The following NTHL1 variants were observed in gnomAD, a reference collection of about 807,000 sequenced individuals.
The protein encoded by NTHL1 is endonuclease III-like protein 1.
In NTHL1, 32 loss-of-function variants were observed where a neutral mutation model predicts 32.3. That is an observed-to-expected ratio of 0.99 (90% CI 0.75 to 1.33). The LOEUF is 1.33. Ranked by LOEUF, NTHL1 falls within the 40% of genes most tolerant of loss-of-function variation. NTHL1 has a pLI of 0.00. For synonymous variants in NTHL1, 188 were observed against 176.9 expected, an observed-to-expected ratio of 1.06 and a Z score of -0.50; for missense variants, 501 against 414.1, an observed-to-expected ratio of 1.21 and a Z score of -1.82.
At chr16:2,042,449 AAT>A (rs2084280216) in intron 4 of NTHL1, among the ~76,000 whole-genome samples, 1 of 152,082 alleles carries the variant, frequency 6.6e-6, no homozygotes, top group African/African-American at 2.4e-5. Context: ...CCCGGCTCAG[AAT>A]AGAGGCCCCC....
chr16:2,043,356 T>C lies in NTHL1; in HGVS notation c.685+211A>G. The C allele has an allele frequency of 1.6e-6, 1 of 632,146 alleles. No homozygotes were observed. Among genetic ancestry groups the C allele is most frequent in the East Asian group, 2.8e-5 (1 of 36,222 alleles). 39.2% of individuals were successfully genotyped at this position (632,146 alleles called of 1,614,324 possible). A position where few individuals can be genotyped will look rare whatever the true frequency, so the allele number is the denominator to read the frequency against. Reference sequence around the variant, plus strand: ...AGCTCCGGGGCCTCTCTCAGAGCCCTGCACGGAGCAGGTGCTCAGCCCATG... The same window carrying C: ...AGCTCCGGGGCCTCTCTCAGAGCCCCGCACGGAGCAGGTGCTCAGCCCATG... On this transcript the variant is annotated intron_variant, in intron 4 of 5. Transcript: ENST00000651570. This position sits in a 1 kb window ranked among gnomAD's most constrained non-coding sequence, Gnocchi z 4.4.
rs2233520 is a variant in NTHL1, at chr16:2,044,499, G to C, written c.525+131C>G. On this transcript the variant is annotated intron_variant, in intron 3 of 5. Coordinates refer to ENST00000651570, the MANE Select transcript of NTHL1 (RefSeq NM_002528.7). The surrounding 1 kb of genome is among the most constrained non-coding windows in gnomAD (Gnocchi z 5.0). ...CCTCAGGGCCCCACGGCCTGGGGGG[G>C]GCTTCAGGGGGACCCCCCGAGCCTG... is the stretch of plus-strand genomic sequence containing the variant. The C allele has an allele frequency of 5.9e-6, 7 of 1,189,822 alleles. No homozygotes were observed. The highest frequency in any genetic ancestry group is 7.3e-6 in the Non-Finnish European group (6 of 823,978). The allele number at this position is 1,189,822 out of a possible 1,614,324, so 73.7% of individuals were successfully genotyped here.
At chr16:2,045,832 C>G (rs1426725317) in intron 2 of NTHL1, among the ~76,000 whole-genome samples, 2 of 152,202 alleles carry the variant, frequency 1.3e-5, no homozygotes. Context: ...TCAGCTTGGT[C>G]TAAGGGTTTC....
Position 2,044,743 on chromosome 16 carries a change from C to G in NTHL1, c.412G>C (p.Val138Leu), listed in dbSNP as rs766774887. ...LMLSSQTKDQ[V>L]TAGAMQRLRA... is the part of the protein sequence containing the mutation. ...AGTCGCTGCATGGCGCCCGCCGTCACCTGGTCTTTGGTTTGGCTGGAGAGC... is the reference window on the plus strand; with the variant it reads ...AGTCGCTGCATGGCGCCCGCCGTCAGCTGGTCTTTGGTTTGGCTGGAGAGC... Residue 138 changes from valine (V) to leucine (L), a missense_variant, in exon 3 of 6, where the codon GTG becomes CTG. Transcript: ENST00000651570. This position sits in a 1 kb window ranked among gnomAD's most constrained non-coding sequence, Gnocchi z 5.0. 1 of 1,612,438 alleles carries G rather than the reference C, an allele frequency of 6.2e-7. No individual in the cohort carries two copies. The highest frequency in any genetic ancestry group is 8.5e-7 in the Non-Finnish European group (1 of 1,179,640).
At chr16:2,040,792 C>T (rs2084257484) in intron 4 of NTHL1, among the ~76,000 whole-genome samples, 1 of 152,196 alleles carries the variant, frequency 6.6e-6, no homozygotes, top group Non-Finnish European at 1.5e-5. Flanking sequence ...AAGGGTCCAT[C>T]CAGGCTTCCC....
chr16:2,042,147 C>A (rs757609929), intron 4 of NTHL1: 2 of 454,126 alleles, frequency 4.4e-6, no homozygotes, highest in Non-Finnish European at 8.9e-6. Flanking sequence ...CCACAGACAC[C>A]TGGAGAGGGA....
chr16:2,042,013 A>G (rs1381626186), intron 4 of NTHL1: 2 of 455,590 alleles, frequency 4.4e-6, no homozygotes, highest in Non-Finnish European at 8.8e-6. Flanking sequence ...TCGGCCTTCC[A>G]AAGTGCTGGG....
intron 1 of NTHL1, chr16:2,047,195 G>A (rs1226064593): frequency 1.9e-5 from 3 of 158,734 alleles, no homozygotes; most frequent in Admixed American, 6.4e-5. Context: ...CGGGACTAGC[G>A]CAGAGGCCCT....
chr16:2,040,614 G>C, intron 4 of NTHL1: 1 of 384,754 alleles, frequency 2.6e-6, no homozygotes, highest in East Asian at 5.8e-5. Flanking sequence ...AACAGCGACA[G>C]CTCGCTTGGA....
At chr16:2,041,145 T>C (rs953347945) in intron 4 of NTHL1, among the ~76,000 whole-genome samples, 5 of 152,248 alleles carry the variant, frequency 3.3e-5, no homozygotes, top group African/African-American at 1.2e-4. Context: ...CACCAGCTCC[T>C]TCGCTGCTGC....
chr16:2,043,811 G>T lies in NTHL1; in HGVS notation c.526-85C>A. The T allele has an allele frequency of 4.6e-6, 7 of 1,522,712 alleles. No homozygotes were observed. The highest frequency in any genetic ancestry group is 6.3e-6 in the Non-Finnish European group (7 of 1,114,498). The allele number at this position is 1,522,712 out of a possible 1,614,324, so 94.3% of individuals were successfully genotyped here. A position where few individuals can be genotyped will look rare whatever the true frequency, so the allele number is the denominator to read the frequency against. ...GCAGCCCCCAGGAGACCCACAGGTG[G>T]CCAGAGCTACCTGCACCTGCTGAGG... On this transcript the variant is annotated intron_variant, in intron 3 of 5. Transcript: ENST00000651570. The surrounding 1 kb of genome is among the most constrained non-coding windows in gnomAD (Gnocchi z 4.4).
intron 2 of NTHL1, among the ~76,000 whole-genome samples, chr16:2,045,413 C>A (rs529318261): frequency 6.6e-6 from 1 of 152,106 alleles, no homozygotes; most frequent in Non-Finnish European, 1.5e-5. Context: ...ATGATTGCTT[C>A]GTGAATCATC....
At chr16:2,047,615 C>T (rs2084504427) in intron 1 of NTHL1, 94 bp downstream of exon 1, 8 of 1,470,812 alleles carry the variant, frequency 5.4e-6, no homozygotes, top group Middle Eastern at 2.4e-4. Flanking sequence ...CAGCCCCTGC[C>T]CGCGCAGCTG....
chr16:2,045,586 G>A (rs2084335699), intron 2 of NTHL1, among the ~76,000 whole-genome samples: 1 of 152,166 alleles, frequency 6.6e-6, no homozygotes, highest in Non-Finnish European at 1.5e-5. Context: ...ACAGGTGCCT[G>A]CCACCACACC....
At chr16:2,045,111 C>A (rs1163830110) in intron 2 of NTHL1, among the ~76,000 whole-genome samples, 1 of 152,098 alleles carries the variant, frequency 6.6e-6, no homozygotes, top group Non-Finnish European at 1.5e-5. Flanking sequence ...CCAAGGCAGG[C>A]GGATCACCTG....
At chr16:2,041,382 C>A (rs2084266473) in intron 4 of NTHL1, among the ~76,000 whole-genome samples, 2 of 152,154 alleles carry the variant, frequency 1.3e-5, no homozygotes, top group African/African-American at 4.8e-5. Flanking sequence ...GGGCCTGGCC[C>A]AGAGTCACCC....
At position 2,047,490 on chromosome 16, in the gene NTHL1, G is replaced by A. The variant is rs2084491475; in HGVS notation, c.115+219C>T. On this transcript the variant is annotated intron_variant, in intron 1 of 5. Coordinates refer to ENST00000651570, the MANE Select transcript of NTHL1 (RefSeq NM_002528.7). Reference sequence around the variant, plus strand: ...CGTTTTCTTGCTTGGGGCGAAAGGGGGCAGCGGAGCGGAGCGCCCGAAACC... The same window carrying A: ...CGTTTTCTTGCTTGGGGCGAAAGGGAGCAGCGGAGCGGAGCGCCCGAAACC... 8.4e-6 allele frequency: 6 copies of A among 711,372 alleles called. No homozygotes were observed. The East Asian group carries it at 1.7e-4, about 20-fold the overall frequency. 44.1% of individuals were successfully genotyped at this position (711,372 alleles called of 1,614,324 possible).
chr16:2,046,699 C>T (rs148201497), intron 1 of NTHL1, among the ~76,000 whole-genome samples: 3 of 152,108 alleles, frequency 2.0e-5, no homozygotes, highest in Non-Finnish European at 4.4e-5. Flanking sequence ...CGGCCGGGCG[C>T]GGTGGATCAA....
chr16:2,041,301 T>G (rs541751884), intron 4 of NTHL1, among the ~76,000 whole-genome samples: 87 of 152,324 alleles, frequency 5.7e-4, no homozygotes, highest in Non-Finnish European at 1.1e-3. Context: ...TGTGTGAGCC[T>G]CCTGCCCACC....
Sources: gnomAD v4.1 joint callset for allele counts (sites outside exome capture counted in the v4.1 genomes callset) on GRCh38, gnomAD v4.1.1 for gene constraint, Gnocchi (gnomAD v3.1) non-coding constraint, MANE v1.5 for transcripts, NCBI Gene and HGNC (gene_info 2026-07-23, HGNC 2026-07-21) for gene names.